Variants in KIRREL3 observed in about 807,000 individuals in gnomAD.
The protein encoded by KIRREL3 is kin of IRRE-like protein 3.
Under a neutral mutation model 89.7 loss-of-function variants are expected in KIRREL3, and 36 were observed. That is an observed-to-expected ratio of 0.40 (90% CI 0.31 to 0.53). The LOEUF is 0.53. KIRREL3 is among the 20% of genes least tolerant of loss of function. KIRREL3 has a pLI of 0.49. For missense variants in KIRREL3, 864 were observed against 1,056.6 expected, an observed-to-expected ratio of 0.82 and a Z score of 2.53; for synonymous variants, 445 against 441.4, an observed-to-expected ratio of 1.01 and a Z score of -0.10.
intron 1 of KIRREL3, among the ~76,000 whole-genome samples, chr11:126,675,501 A>G (rs1946147680): frequency 6.6e-6 from 1 of 152,220 alleles, no homozygotes; most frequent in South Asian, 2.1e-4. Context: ...GAAGTTTGTT[A>G]TGATAGGATT....
intron 11 of KIRREL3, among the ~76,000 whole-genome samples, 154 bp from the exon 12 acceptor site, chr11:126,437,163 A>C (rs961671742): frequency 6.6e-6 from 1 of 152,156 alleles, no homozygotes; most frequent in Non-Finnish European, 1.5e-5. Flanking sequence ...CACACATGCC[A>C]CACACCACAA....
At chr11:126,751,128 C>T (rs1949321343) in intron 1 of KIRREL3, among the ~76,000 whole-genome samples, 1 of 152,178 alleles carries the variant, frequency 6.6e-6, no homozygotes, top group Non-Finnish European at 1.5e-5. Context: ...ACAGTATAGA[C>T]ACACTGTCGG....
rs1413574424 is a variant in KIRREL3, at chr11:126,609,434, G to A, written c.56-46522C>T. On this transcript the variant is annotated intron_variant, in intron 1 of 16. Coordinates refer to ENST00000525144, the MANE Select transcript of KIRREL3 (RefSeq NM_032531.4). The surrounding 1 kb of genome is among the most constrained non-coding windows in gnomAD (Gnocchi z 5.0). ...AGCAACCAGAGTTATTCCTGCCTCG[G>A]GACATGTATGAGGACGGTCTCCTTT... Among the ~76,000 whole-genome samples the A allele has an allele frequency of 1.3e-5, 2 of 152,260 alleles. No individual in the cohort carries two copies. The highest frequency in any genetic ancestry group is 3.9e-4 in the East Asian group (2 of 5,176).
rs1050867228 is a variant in KIRREL3, at chr11:126,870,095, G to T, written c.55+130360C>A. Reference sequence around the variant, plus strand: ...CCCATGTACAGCTGGCACTTCCTTTGAATCAGGGGCCCATGAGCACTGTGA... The same window carrying T: ...CCCATGTACAGCTGGCACTTCCTTTTAATCAGGGGCCCATGAGCACTGTGA... On this transcript the variant is annotated intron_variant, in intron 1 of 16. Coordinates refer to ENST00000525144, the MANE Select transcript of KIRREL3 (RefSeq NM_032531.4). The surrounding 1 kb of genome is among the most constrained non-coding windows in gnomAD (Gnocchi z 4.4). Among the ~76,000 whole-genome samples, 1 of 152,314 alleles carries T rather than the reference G, an allele frequency of 6.6e-6. No individual in the cohort carries two copies. Among genetic ancestry groups the T allele is most frequent in the South Asian group, 2.1e-4 (1 of 4,826 alleles).
In KIRREL3 at chr11:126,736,662, C is replaced by A. The variant is rs1009196005; in HGVS notation, c.56-173750G>T. 6.6e-6 allele frequency among the ~76,000 whole-genome samples: 1 copy of A among 152,160 alleles called. No homozygotes were observed. Among genetic ancestry groups the A allele is most frequent in the Non-Finnish European group, 1.5e-5 (1 of 68,020 alleles). Reference sequence around the variant, plus strand: ...TGCTAACCACTCTGCAATGCACAGGCCAGCCCCCATGACAAGGATTATCCT... The same window carrying A: ...TGCTAACCACTCTGCAATGCACAGGACAGCCCCCATGACAAGGATTATCCT... On this transcript the variant is annotated intron_variant, in intron 1 of 16. Coordinates refer to ENST00000525144, the MANE Select transcript of KIRREL3 (RefSeq NM_032531.4). This position sits in a 1 kb window ranked among gnomAD's most constrained non-coding sequence, Gnocchi z 5.0.
rs1949829904 is a variant in KIRREL3 at position 126,766,566 on chromosome 11, G to A, written c.56-203654C>T. Among the ~76,000 whole-genome samples, 1 of 152,058 alleles carries A rather than the reference G, an allele frequency of 6.6e-6. No individual in the cohort carries two copies. Among genetic ancestry groups the A allele is most frequent in the Admixed American group, 6.5e-5 (1 of 15,274 alleles). ...CAGGTGGTGGTATCTTCTGGGTCTT[G>A]GGGAACCATCCAAAAGAGATTATTG... On this transcript the variant is annotated intron_variant, in intron 1 of 16. Coordinates refer to ENST00000525144, the MANE Select transcript of KIRREL3 (RefSeq NM_032531.4). The surrounding 1 kb of genome is among the most constrained non-coding windows in gnomAD (Gnocchi z 4.2).
chr11:126,986,677 A>G (rs1242951373), intron 1 of KIRREL3, among the ~76,000 whole-genome samples: 1 of 152,198 alleles, frequency 6.6e-6, no homozygotes, highest in Non-Finnish European at 1.5e-5. Context: ...GATGTCAGTG[A>G]CGGATTGGCA....
intron 4 of KIRREL3, among the ~76,000 whole-genome samples, chr11:126,478,904 C>G (rs1287841301): frequency 2.6e-5 from 4 of 152,146 alleles, no homozygotes; most frequent in African/African-American, 9.7e-5. Flanking sequence ...TGTAGGAACT[C>G]TGCGCTGCTG....
At position 126,962,898 on chromosome 11, in the gene KIRREL3, T is replaced by C. The variant is rs551968617; in HGVS notation, c.55+37557A>G. Among the ~76,000 whole-genome samples, 5 of 152,308 alleles carry C rather than the reference T, an allele frequency of 3.3e-5. No homozygotes were observed. In the South Asian group the frequency reaches 8.3e-4, roughly 25 times the overall value. On this transcript the variant is annotated intron_variant, in intron 1 of 16. Transcript: ENST00000525144. The stretch of plus-strand genomic sequence containing the variant: ...AAAGAGATTATAACTCGTTAAAGGC[T>C]CAGATGATTGTTAGCACTTTTTAGC...
chr11:126,545,830 CT>C (rs1938772559), intron 2 of KIRREL3, among the ~76,000 whole-genome samples: 1 of 152,094 alleles, frequency 6.6e-6, no homozygotes. Flanking sequence ...CAGGGAAGAG[CT>C]TTCAAGGGTT....
chr11:126,513,181 G>A lies in KIRREL3; in HGVS notation c.433+8134C>T, dbSNP rs964558607. Among the ~76,000 whole-genome samples, 2 of 152,164 alleles carry A rather than the reference G, an allele frequency of 1.3e-5. No homozygotes were observed. The highest frequency in any genetic ancestry group is 2.9e-5 in the Non-Finnish European group (2 of 68,020). Reference sequence around the variant, plus strand: ...GCAGGAGGCTGAACCCCTACCATAAGCAGTAGACCATGAGTGGGCTCCTAA... The same window carrying A: ...GCAGGAGGCTGAACCCCTACCATAAACAGTAGACCATGAGTGGGCTCCTAA... On this transcript the variant is annotated intron_variant, in intron 4 of 16. Coordinates refer to ENST00000525144, the MANE Select transcript of KIRREL3 (RefSeq NM_032531.4). The surrounding 1 kb of genome is among the most constrained non-coding windows in gnomAD (Gnocchi z 5.9).
At chr11:126,619,964 C>T (rs1943512197) in intron 1 of KIRREL3, among the ~76,000 whole-genome samples, 1 of 152,108 alleles carries the variant, frequency 6.6e-6, no homozygotes, top group Non-Finnish European at 1.5e-5. Context: ...CCCCTATTCC[C>T]TTACAAAATC....
rs1950060751 is a variant in KIRREL3 at position 126,772,883 on chromosome 11, C to G, written c.56-209971G>C. 6.6e-6 allele frequency among the ~76,000 whole-genome samples: 1 copy of G among 152,198 alleles called. No homozygotes were observed. Among genetic ancestry groups the G allele is most frequent in the Non-Finnish European group, 1.5e-5 (1 of 68,028 alleles). On this transcript the variant is annotated intron_variant, in intron 1 of 16. Transcript: ENST00000525144. This position sits in a 1 kb window ranked among gnomAD's most constrained non-coding sequence, Gnocchi z 4.6. ...TCTTCATAATTTGGCCAGAAACCTGCTTGGCCAACAATCTCCCCAGTGATT... is the reference window on the plus strand; with the variant it reads ...TCTTCATAATTTGGCCAGAAACCTGGTTGGCCAACAATCTCCCCAGTGATT...
chr11:126,587,763 A>C lies in KIRREL3; in HGVS notation c.56-24851T>G, dbSNP rs1031339665. Among the ~76,000 whole-genome samples the C allele has an allele frequency of 1.3e-5, 2 of 152,222 alleles. No individual in the cohort carries two copies. The highest frequency in any genetic ancestry group is 2.9e-5 in the Non-Finnish European group (2 of 68,042). ...TATATGTGAATGATTAGGTTGTGTA[A>C]TACATTCCAGCAAATTTAGATTAGG... On this transcript the variant is annotated intron_variant, in intron 1 of 16. Coordinates refer to ENST00000525144, the MANE Select transcript of KIRREL3 (RefSeq NM_032531.4). This position sits in a 1 kb window ranked among gnomAD's most constrained non-coding sequence, Gnocchi z 5.2.
In KIRREL3 at chr11:126,724,321, T is replaced by G. The variant is rs76813154; in HGVS notation, c.56-161409A>C. On this transcript the variant is annotated intron_variant, in intron 1 of 16. Coordinates refer to ENST00000525144, the MANE Select transcript of KIRREL3 (RefSeq NM_032531.4). This position sits in a 1 kb window ranked among gnomAD's most constrained non-coding sequence, Gnocchi z 4.3. ...GTGCTGTAATATGCTAACCTGATCC[T>G]AAGACAGGCCCCAACTAGTACACAC... 6.3e-3 allele frequency among the ~76,000 whole-genome samples: 964 copies of G among 152,324 alleles called. 9 individuals carry two copies. Among genetic ancestry groups the G allele is most frequent in the African/African-American group, 0.021 (867 of 41,568 alleles).
At position 126,623,622 on chromosome 11, in the gene KIRREL3, G is replaced by A. The variant is rs1426829587; in HGVS notation, c.56-60710C>T. On this transcript the variant is annotated intron_variant, in intron 1 of 16. Transcript: ENST00000525144. This position sits in a 1 kb window ranked among gnomAD's most constrained non-coding sequence, Gnocchi z 4.1. ...GGGATAACAGCTGATGGGCCAGCAA[G>A]GATGCGGGGAGGATACCTGTGGTCA... is the stretch of plus-strand genomic sequence containing the variant. Among the ~76,000 whole-genome samples, 1 of 152,136 alleles carries A rather than the reference G, an allele frequency of 6.6e-6. No individual in the cohort carries two copies. The highest frequency in any genetic ancestry group is 1.5e-5 in the Non-Finnish European group (1 of 68,020).
At position 126,945,171 on chromosome 11, in the gene KIRREL3, T is replaced by C. The variant is rs1446939878; in HGVS notation, c.55+55284A>G. 6 of 152,296 alleles carry C rather than the reference T, an allele frequency of 3.9e-5. 1 individual carries two copies. The highest frequency in any genetic ancestry group is 9.6e-5 in the African/African-American group (4 of 41,462). 9.4% of individuals were successfully genotyped at this position (152,296 alleles called of 1,614,324 possible). On this transcript the variant is annotated intron_variant, in intron 1 of 16. Transcript: ENST00000525144. ...AAACTGCTTTGACATATTTGCGGATTCTCAGGCCCGTGTTCTCAGCTCCCC... is the reference window on the plus strand; with the variant it reads ...AAACTGCTTTGACATATTTGCGGATCCTCAGGCCCGTGTTCTCAGCTCCCC...
chr11:126,459,243 T>C lies in KIRREL3; in HGVS notation c.743-2789A>G, dbSNP rs114253657. The stretch of plus-strand genomic sequence containing the variant: ...AGGAGGCCCTTCCCTCACCTGGGGG[T>C]CTTTTCTAAAGTGATGAGGTCTGAG... On this transcript the variant is annotated intron_variant, in intron 6 of 16. Transcript: ENST00000525144. The surrounding 1 kb of genome is among the most constrained non-coding windows in gnomAD (Gnocchi z 4.8). 3.3e-3 allele frequency among the ~76,000 whole-genome samples: 503 copies of C among 151,586 alleles called. 4 individuals carry two copies. The highest frequency in any genetic ancestry group is 0.011 in the African/African-American group (463 of 41,288).
rs1958659800 is a variant in KIRREL3, at chr11:126,523,535, G to C, written c.284-2071C>G. Among the ~76,000 whole-genome samples the C allele has an allele frequency of 6.6e-6, 1 of 152,132 alleles. No individual in the cohort carries two copies. Among genetic ancestry groups the C allele is most frequent in the South Asian group, 2.1e-4 (1 of 4,822 alleles). ...AAATGGCCCTGTCCTCCCCAGCTGT[G>C]CAGGCCTGGCCAGAAAAGCTCACAA... On this transcript the variant is annotated intron_variant, in intron 3 of 16. Coordinates refer to ENST00000525144, the MANE Select transcript of KIRREL3 (RefSeq NM_032531.4). This position sits in a 1 kb window ranked among gnomAD's most constrained non-coding sequence, Gnocchi z 4.9.
Sources: gnomAD v4.1 joint callset for allele counts (sites outside exome capture counted in the v4.1 genomes callset) on GRCh38, gnomAD v4.1.1 for gene constraint, Gnocchi (gnomAD v3.1) non-coding constraint, MANE v1.5 for transcripts, NCBI Gene and HGNC (gene_info 2026-07-23, HGNC 2026-07-21) for gene names.